PCDHGA1: variants seen among roughly 807,000 people sequenced by gnomAD.
PCDHGA1 encodes protocadherin gamma subfamily A, 1.
In PCDHGA1, 32 loss-of-function variants were observed where a neutral mutation model predicts 58.0. That is an observed-to-expected ratio of 0.55 (90% CI 0.42 to 0.74). PCDHGA1 has a LOEUF of 0.74. PCDHGA1 is among the 30% of genes least tolerant of loss of function. The pLI is 0.00. For missense variants in PCDHGA1, 1,205 were observed against 1,182.3 expected, an observed-to-expected ratio of 1.02 and a Z score of -0.28; for synonymous variants, 498 against 501.1, an observed-to-expected ratio of 0.99 and a Z score of 0.08.
chr5:141,366,934 G>A, intron 1 of PCDHGA1: 1 of 893,774 alleles, frequency 1.1e-6, no homozygotes, highest in Non-Finnish European at 1.6e-6. Flanking sequence ...GTTTTGGGAA[G>A]TCTAGCTGAT....
chr5:141,376,197 T>G, intron 1 of PCDHGA1: 1 of 1,614,174 alleles, frequency 6.2e-7, no homozygotes, highest in Non-Finnish European at 8.5e-7. Flanking sequence ...TGCGTCTTCC[T>G]GGCCTTCGTC....
At chr5:141,365,720 A>G (rs758782408) in intron 1 of PCDHGA1, 17 of 1,613,732 alleles carry the variant, frequency 1.1e-5, no homozygotes, top group Non-Finnish European at 1.2e-5. Flanking sequence ...TGTCACAGAA[A>G]ACAATCCCAG....
intron 1 of PCDHGA1, among the ~76,000 whole-genome samples, chr5:141,484,107 A>C (rs13361997): frequency 0.24 from 37,195 of 152,070 alleles, 6,332 homozygotes; most frequent in African/African-American, 0.48. Context: ...TAATTAACAA[A>C]AGATCAAGAA....
At chr5:141,437,188 G>T (rs1303844523) in intron 1 of PCDHGA1, among the ~76,000 whole-genome samples, 1 of 152,146 alleles carries the variant, frequency 6.6e-6, no homozygotes, top group Non-Finnish European at 1.5e-5. Context: ...CTGGGCAATG[G>T]GTTTGGATGT....
chr5:141,344,409 A>T (rs748440631), intron 1 of PCDHGA1: 4 of 1,612,176 alleles, frequency 2.5e-6, no homozygotes, highest in Non-Finnish European at 3.4e-6. Flanking sequence ...AATTAAAGAT[A>T]TTAATGATAA....
rs751976949 is a variant in PCDHGA1, at chr5:141,414,873, C to A, written c.2422-79934C>A. The A allele has an allele frequency of 6.2e-6, 10 of 1,614,108 alleles. No homozygotes were observed. The Admixed American group carries it at 1.2e-4, about 19-fold the overall frequency. ...ACCAGAACGACAATGCGCCCGAGAT[C>A]CTGTACCCCGCCCTCCCCACAGACG... On this transcript the variant is annotated intron_variant, in intron 1 of 3. Transcript: ENST00000517417.
chr5:141,438,895 A>C (rs2098073582), intron 1 of PCDHGA1, among the ~76,000 whole-genome samples: 1 of 151,640 alleles, frequency 6.6e-6, no homozygotes, highest in Non-Finnish European at 1.5e-5. Flanking sequence ...TGAACTCCTG[A>C]CCTCAGGTGA....
chr5:141,410,885 G>A (rs970749503), intron 1 of PCDHGA1: 7 of 287,302 alleles, frequency 2.4e-5, no homozygotes, highest in African/African-American at 1.6e-4. Context: ...ATGGAGTCTC[G>A]CACTGTTGCC....
chr5:141,421,402 G>A (rs2096569907), intron 1 of PCDHGA1: 1 of 1,614,076 alleles, frequency 6.2e-7, no homozygotes, highest in Non-Finnish European at 8.5e-7. Context: ...GGAGCCCCGG[G>A]AGCTGGCGAA....
At chr5:141,505,852 G>A (rs2099848673) in intron 3 of PCDHGA1, among the ~76,000 whole-genome samples, 1 of 152,140 alleles carries the variant, frequency 6.6e-6, no homozygotes, top group African/African-American at 2.4e-5. Context: ...TAGAAAGTGG[G>A]GACAGGGACC....
chr5:141,491,284 A>C lies in PCDHGA1; in HGVS notation c.2422-3523A>C. ...AATGCCCAAATCCAGTGACTTCCTC[A>C]TACACCCTCCTGAGCGTTCAGACCT... On this transcript the variant is annotated intron_variant, in intron 1 of 3. Transcript: ENST00000517417. The surrounding 1 kb of genome is among the most constrained non-coding windows in gnomAD (Gnocchi z 6.9). 1.2e-6 allele frequency: 2 copies of C among 1,614,128 alleles called. No homozygotes were observed. The highest frequency in any genetic ancestry group is 1.7e-6 in the Non-Finnish European group (2 of 1,179,978).
intron 1 of PCDHGA1, among the ~76,000 whole-genome samples, chr5:141,359,644 G>T (rs1297156437): frequency 6.6e-6 from 1 of 152,004 alleles, no homozygotes; most frequent in Non-Finnish European, 1.5e-5. Flanking sequence ...GTGTAAAGAA[G>T]GAGACAGAAT....
Position 141,352,554 on chromosome 5 carries a change from A to C in PCDHGA1, c.2421+19449A>C, listed in dbSNP as rs183312809. Reference sequence around the variant, plus strand: ...GCAAAGACAGAGTTTAATTCTCTCAACCTGACACCGGAAATGGCTCCCCCT... The same window carrying C: ...GCAAAGACAGAGTTTAATTCTCTCACCCTGACACCGGAAATGGCTCCCCCT... On this transcript the variant is annotated intron_variant, in intron 1 of 3. Coordinates refer to ENST00000517417, the MANE Select transcript of PCDHGA1 (RefSeq NM_018912.3). 4.7e-4 allele frequency: 760 copies of C among 1,613,922 alleles called. 6 individuals are homozygous for C. The African/African-American group carries it at 8.3e-3, about 18-fold the overall frequency.
Position 141,432,667 on chromosome 5 carries a change from C to T in PCDHGA1, c.2422-62140C>T, listed in dbSNP as rs1312138743. ...CGGCGCGAGCCCTGCTGGACAGAGACGCGCTCAAGCAGAGCCTCGTAGTGG... is the reference window on the plus strand; with the variant it reads ...CGGCGCGAGCCCTGCTGGACAGAGATGCGCTCAAGCAGAGCCTCGTAGTGG... On this transcript the variant is annotated intron_variant, in intron 1 of 3. Transcript: ENST00000517417. This position sits in a 1 kb window ranked among gnomAD's most constrained non-coding sequence, Gnocchi z 6.0. The T allele has an allele frequency of 1.2e-6, 2 of 1,613,876 alleles. No individual in the cohort carries two copies. The highest frequency in any genetic ancestry group is 1.1e-5 in the South Asian group (1 of 91,066).
chr5:141,418,980 A>C (rs1219866791), intron 1 of PCDHGA1: 2 of 1,614,004 alleles, frequency 1.2e-6, no homozygotes, highest in Non-Finnish European at 1.7e-6. Flanking sequence ...ACACGGGACC[A>C]AGACTCAGGG....
In PCDHGA1 at chr5:141,476,574, G is replaced by C. The variant is rs746783993; in HGVS notation, c.2422-18233G>C. The C allele has an allele frequency of 1.1e-5, 18 of 1,614,084 alleles. No homozygotes were observed. The Admixed American group carries it at 1.8e-4, about 16-fold the overall frequency. On this transcript the variant is annotated intron_variant, in intron 1 of 3. Coordinates refer to ENST00000517417, the MANE Select transcript of PCDHGA1 (RefSeq NM_018912.3). The surrounding 1 kb of genome is among the most constrained non-coding windows in gnomAD (Gnocchi z 7.6). ...AGCGAGGCCGTGGCTCCGGGGACGC[G>C]CTTTCCGCTCGAGAGCGCGCACGAT...
At chr5:141,418,077 T>G (rs770464447) in intron 1 of PCDHGA1, 4 of 1,613,914 alleles carry the variant, frequency 2.5e-6, no homozygotes, top group African/African-American at 1.3e-5. Context: ...GCGGAGAAGC[T>G]GCACTTCAGC....
chr5:141,374,644 T>C (rs767129187), intron 1 of PCDHGA1: 85 of 1,612,642 alleles, frequency 5.3e-5, no homozygotes, highest in Middle Eastern at 3.3e-4. Context: ...GCGAAGCCCA[T>C]GGGCCCAAGT....
At chr5:141,461,974 C>T (rs2099027742) in intron 1 of PCDHGA1, among the ~76,000 whole-genome samples, 1 of 152,202 alleles carries the variant, frequency 6.6e-6, no homozygotes, top group Non-Finnish European at 1.5e-5. Context: ...CAGGCATATG[C>T]CACCACGCCA....
Sources: gnomAD v4.1 joint callset for allele counts (sites outside exome capture counted in the v4.1 genomes callset) on GRCh38, gnomAD v4.1.1 for gene constraint, Gnocchi (gnomAD v3.1) non-coding constraint, MANE v1.5 for transcripts, NCBI Gene and HGNC (gene_info 2026-07-23, HGNC 2026-07-21) for gene names.